Variants in ZCCHC7 observed in about 807,000 individuals in gnomAD.
The protein encoded by ZCCHC7 is zinc finger CCHC-type containing 7, also known as zinc finger CCHC domain-containing protein 7.
Under a neutral mutation model 52.0 loss-of-function variants are expected in ZCCHC7, and 35 were observed. The observed-to-expected ratio is 0.67, with a 90% confidence interval of 0.51 to 0.89. The LOEUF is 0.89. Ranked by LOEUF, ZCCHC7 falls within the 40% of genes least tolerant of loss-of-function variation. ZCCHC7 has a pLI of 0.00. For missense variants in ZCCHC7, 574 were observed against 649.1 expected, an observed-to-expected ratio of 0.88 and a Z score of 1.26; for synonymous variants, 217 against 221.5, an observed-to-expected ratio of 0.98 and a Z score of 0.18.
At chr9:37,277,082 T>C (rs1308060912) in intron 2 of ZCCHC7, among the ~76,000 whole-genome samples, 1 of 152,212 alleles carries the variant, frequency 6.6e-6, no homozygotes, top group Non-Finnish European at 1.5e-5. Flanking sequence ...CTTACTATGC[T>C]TACTATGCAC....
rs553694369 is a variant in ZCCHC7, at chr9:37,341,062, TAAG to T, written c.988-8291_988-8289del. ...AATTTGAGATTCCTTTAAAATAAAA[TAAG>T]AAGTGTCAACATGAAACATGCTTTC... On this transcript the variant is annotated intron_variant, in intron 6 of 8. Coordinates refer to ENST00000336755, the MANE Select transcript of ZCCHC7 (RefSeq NM_032226.3). Among the ~76,000 whole-genome samples, 135 of 152,254 alleles carry T rather than the reference TAAG, an allele frequency of 8.9e-4. 1 individual carries two copies. Among genetic ancestry groups the T allele is most frequent in the Non-Finnish European group, 1.5e-3 (100 of 67,992 alleles).
intron 2 of ZCCHC7, among the ~76,000 whole-genome samples, chr9:37,217,733 A>G (rs956707814): frequency 2.0e-5 from 3 of 152,150 alleles, no homozygotes; most frequent in African/African-American, 7.2e-5. Flanking sequence ...CTTAATCTTC[A>G]TATGTGAGGA....
intron 2 of ZCCHC7, among the ~76,000 whole-genome samples, chr9:37,275,809 A>AT (rs1827659339): frequency 6.6e-6 from 1 of 151,684 alleles, no homozygotes; most frequent in Non-Finnish European, 1.5e-5. Flanking sequence ...TGCCTGGCTA[A>AT]TTTTTTTTAT....
chr9:37,328,979 C>T (rs539692846), intron 6 of ZCCHC7, among the ~76,000 whole-genome samples: 4 of 151,910 alleles, frequency 2.6e-5, no homozygotes, highest in South Asian at 4.1e-4. Flanking sequence ...GTATGTTACA[C>T]ATATATATTA....
chr9:37,159,774 A>T (rs73646328), intron 2 of ZCCHC7, among the ~76,000 whole-genome samples: 97 of 152,270 alleles, frequency 6.4e-4, no homozygotes, highest in African/African-American at 2.2e-3. Flanking sequence ...ATCTCCCAGG[A>T]TTAAGGAGGA....
chr9:37,165,064 ATCT>A (rs1821345210), intron 2 of ZCCHC7, among the ~76,000 whole-genome samples: 1 of 152,208 alleles, frequency 6.6e-6, no homozygotes, highest in African/African-American at 2.4e-5. Flanking sequence ...TAGTTTATAA[ATCT>A]TCTGTCAAAT....
intron 5 of ZCCHC7, among the ~76,000 whole-genome samples, chr9:37,314,064 C>T (rs1460534332): frequency 1.3e-5 from 2 of 152,102 alleles, no homozygotes; most frequent in Non-Finnish European, 2.9e-5. Context: ...TAGTACATAC[C>T]TCCTTGTCTA....
intron 2 of ZCCHC7, among the ~76,000 whole-genome samples, chr9:37,203,958 C>T (rs762933414): frequency 2.6e-5 from 4 of 152,176 alleles, no homozygotes; most frequent in African/African-American, 4.8e-5. Context: ...TCCATAGCCT[C>T]GCCAGCATTT....
chr9:37,277,719 T>C (rs2133548074), intron 2 of ZCCHC7, among the ~76,000 whole-genome samples: 1 of 152,252 alleles, frequency 6.6e-6, no homozygotes, highest in South Asian at 2.1e-4. Flanking sequence ...GAGGCTACTA[T>C]AGCACCTGGA....
At chr9:37,207,744 C>G (rs959852686) in intron 2 of ZCCHC7, among the ~76,000 whole-genome samples, 5 of 151,946 alleles carry the variant, frequency 3.3e-5, no homozygotes, top group Non-Finnish European at 7.4e-5. Context: ...TGCTATTTAG[C>G]CCATTCAGTG....
intron 2 of ZCCHC7, among the ~76,000 whole-genome samples, chr9:37,161,408 A>G (rs2132903732): frequency 6.6e-6 from 1 of 152,158 alleles, no homozygotes; most frequent in Admixed American, 6.5e-5. Flanking sequence ...CCCCATCTCT[A>G]CTAAAAATAC....
At chr9:37,258,611 C>T (rs1398356790) in intron 2 of ZCCHC7, among the ~76,000 whole-genome samples, 3 of 151,388 alleles carry the variant, frequency 2.0e-5, no homozygotes, top group African/African-American at 4.9e-5. Context: ...CAAAAATTGG[C>T]GTGGCACATG....
chr9:37,354,886 A>T lies in ZCCHC7; in HGVS notation c.1198+62A>T. The T allele has an allele frequency of 8.8e-7, 1 of 1,142,786 alleles. No individual in the cohort carries two copies. The highest frequency in any genetic ancestry group is 1.3e-5 in the South Asian group (1 of 75,224). The allele number at this position is 1,142,786 out of a possible 1,614,324, so 70.8% of individuals were successfully genotyped here. ...GTAGTTTCTAAATTTCTTTGTTTGT[A>T]CTGTCTTTGCCTGCTTTGGGGGTCA... is the stretch of plus-strand genomic sequence containing the variant. On this transcript the variant is annotated intron_variant, in intron 8 of 8. Transcript: ENST00000336755. This position sits in a 1 kb window ranked among gnomAD's most constrained non-coding sequence, Gnocchi z 4.0.
At chr9:37,206,601 C>T (rs1823930316) in intron 2 of ZCCHC7, among the ~76,000 whole-genome samples, 1 of 152,120 alleles carries the variant, frequency 6.6e-6, no homozygotes, top group Non-Finnish European at 1.5e-5. Context: ...ATCCACTTGC[C>T]TCAGCTTCCT....
rs535769224 is a variant in ZCCHC7 at position 37,196,794 on chromosome 9, C to T, written c.610+69852C>T. On this transcript the variant is annotated intron_variant, in intron 2 of 8. Transcript: ENST00000336755. The stretch of plus-strand genomic sequence containing the variant: ...AATTGTGTTATGATTATTTTAATGT[C>T]GTTTGAGGACATTTAAAAAACCCTC... Among the ~76,000 whole-genome samples, 18 of 151,804 alleles carry T rather than the reference C, an allele frequency of 1.2e-4. 1 individual carries two copies. The South Asian group carries it at 3.1e-3, about 26-fold the overall frequency.
intron 2 of ZCCHC7, among the ~76,000 whole-genome samples, chr9:37,254,741 A>G (rs1826492433): frequency 6.7e-6 from 1 of 149,314 alleles, no homozygotes; most frequent in Non-Finnish European, 1.5e-5. Flanking sequence ...AATGTTTTAG[A>G]TTTTGGATTT....
At chr9:37,176,903 A>G (rs1347355774) in intron 2 of ZCCHC7, among the ~76,000 whole-genome samples, 1 of 152,202 alleles carries the variant, frequency 6.6e-6, no homozygotes, top group Non-Finnish European at 1.5e-5. Context: ...CAGTCAATAT[A>G]TAGAGATAAG....
chr9:37,260,716 C>T (rs1826823669), intron 2 of ZCCHC7, among the ~76,000 whole-genome samples: 1 of 152,150 alleles, frequency 6.6e-6, no homozygotes, highest in African/African-American at 2.4e-5. Context: ...AGTTTTCATG[C>T]AGGTATTCAG....
At chr9:37,316,634 A>G (rs994482765) in intron 5 of ZCCHC7, among the ~76,000 whole-genome samples, 5 of 152,170 alleles carry the variant, frequency 3.3e-5, no homozygotes, top group Non-Finnish European at 7.4e-5. Flanking sequence ...CAAGAACCTT[A>G]TTCTTATAAG....
Sources: gnomAD v4.1 joint callset for allele counts (sites outside exome capture counted in the v4.1 genomes callset) on GRCh38, gnomAD v4.1.1 for gene constraint, Gnocchi (gnomAD v3.1) non-coding constraint, MANE v1.5 for transcripts, NCBI Gene and HGNC (gene_info 2026-07-23, HGNC 2026-07-21) for gene names.